MSH3: variants seen among roughly 807,000 people sequenced by gnomAD.
The protein encoded by MSH3 is DNA mismatch repair protein Msh3.
Under a neutral mutation model 123.3 loss-of-function variants are expected in MSH3, and 106 were observed. That is an observed-to-expected ratio of 0.86 (90% confidence interval 0.73 to 1.01). The LOEUF (loss-of-function observed/expected upper bound fraction) is 1.01. MSH3 is among the 50% of genes least tolerant of loss of function. The pLI, the probability that MSH3 is intolerant of heterozygous loss-of-function variation, is 0.00. For synonymous variants in MSH3, 515 were observed against 481.4 expected (o/e 1.07, Z -0.91); for missense variants, 1,459 against 1,347.6 (o/e 1.08, Z -1.29).
At chr5:80,680,930 C>A (rs1405491210) in intron 8 of MSH3, among the ~76,000 whole-genome samples, 1 of 152,018 alleles carries the variant, frequency 6.6e-6, no homozygotes, top group Non-Finnish European at 1.5e-5. Context: ...TGATGAATAT[C>A]CATATACAGA....
intron 10 of MSH3, among the ~76,000 whole-genome samples, chr5:80,738,255 G>A (rs1328024503): frequency 6.6e-6 from 1 of 152,164 alleles, no homozygotes; most frequent in African/African-American, 2.4e-5. Flanking sequence ...ACCAGGTAGT[G>A]GGTTAATTCA....
intron 4 of MSH3, 102 bp from the exon 5 acceptor site, chr5:80,672,142 T>C (rs1413415173): frequency 2.3e-6 from 2 of 870,708 alleles, no homozygotes; most frequent in Non-Finnish European, 3.7e-6. Context: ...AGTGTACAAA[T>C]CCTAAATGTA....
chr5:80,671,976 G>A (rs1749734673), intron 4 of MSH3, among the ~76,000 whole-genome samples: 1 of 149,286 alleles, frequency 6.7e-6, no homozygotes, highest in South Asian at 2.2e-4. Context: ...CTCTAAGGAT[G>A]TAGAAGACCT....
chr5:80,712,274 A>T (rs1051926725), intron 8 of MSH3, among the ~76,000 whole-genome samples: 2 of 152,134 alleles, frequency 1.3e-5, no homozygotes, highest in African/African-American at 2.4e-5. Context: ...CTCTTTTCTA[A>T]TATGCCATTT....
At chr5:80,679,810 G>A (rs532132187) in intron 8 of MSH3, among the ~76,000 whole-genome samples, 1 of 152,220 alleles carries the variant, frequency 6.6e-6, no homozygotes, top group African/African-American at 2.4e-5. Context: ...AAGGTGCCTT[G>A]TTGGAAAGAC....
At chr5:80,814,117 C>A (rs914305936) in intron 20 of MSH3, among the ~76,000 whole-genome samples, 1 of 132,952 alleles carries the variant, frequency 7.5e-6, no homozygotes, top group African/African-American at 2.9e-5. Context: ...CAAAGTGAGA[C>A]CCTGTCTCAA....
rs116326071 is a variant in MSH3 at position 80,700,816 on chromosome 5, C to A, written c.1340+21723C>A. 7.5e-3 allele frequency among the ~76,000 whole-genome samples: 1,142 copies of A among 152,138 alleles called. 16 individuals are homozygous for A. The highest frequency in any genetic ancestry group is 0.025 in the African/African-American group (1,040 of 41,492). ...TATTTGCAGTAGGTTTATTGATAGT[C>A]GAATAGGAAGAAACAGCATTTGAGA... On this transcript the variant is annotated intron_variant, in intron 8 of 23. Coordinates refer to ENST00000265081, the MANE Select transcript of MSH3 (RefSeq NM_002439.5).
At chr5:80,872,857 T>A (rs1007285395) in intron 22 of MSH3, among the ~76,000 whole-genome samples, 10 of 152,172 alleles carry the variant, frequency 6.6e-5, no homozygotes, top group African/African-American at 9.7e-5. Context: ...GACGTTCAGT[T>A]CAAATTTGCA....
intron 15 of MSH3, 146 bp from the exon 16 acceptor site, chr5:80,775,548 G>T: frequency 1.5e-5 from 9 of 592,088 alleles, no homozygotes; most frequent in Middle Eastern, 9.2e-4. Flanking sequence ...TGTCTGTATT[G>T]ACATATATAC....
chr5:80,846,594 C>T (rs1745725871), intron 20 of MSH3, among the ~76,000 whole-genome samples: 1 of 152,158 alleles, frequency 6.6e-6, no homozygotes, highest in Non-Finnish European at 1.5e-5. Flanking sequence ...TTTGTTTACA[C>T]TGTGAGCTAC....
At chr5:80,846,436 A>G (rs182738082) in intron 20 of MSH3, among the ~76,000 whole-genome samples, 101 of 152,138 alleles carry the variant, frequency 6.6e-4, no homozygotes, top group Admixed American at 1.3e-3. Context: ...TGCTGTCTTC[A>G]TAGTTGTCAG....
In MSH3 at chr5:80,693,540, T is replaced by TGCACATGTATATGTTTATATAA. The variant is rs1750388180; in HGVS notation, c.1340+14447_1340+14448insGCACATGTATATGTTTATATAA. On this transcript the variant is annotated intron_variant, in intron 8 of 23. Coordinates refer to ENST00000265081, the MANE Select transcript of MSH3 (RefSeq NM_002439.5). ...GCACATGTATATGTTTATATAAATA[T>TGCACATGTATATGTTTATATAA]ATATGCACATGTATGTGTTTATATA... Among the ~76,000 whole-genome samples, 155 of 92,110 alleles carry TGCACATGTATATGTTTATATAA rather than the reference T, an allele frequency of 1.7e-3. 5 individuals carry two copies. The highest frequency in any genetic ancestry group is 5.1e-3 in the South Asian group (16 of 3,138). The allele number at this position is 92,110 out of a possible 152,430, so 60.4% of individuals were successfully genotyped here. A position where few individuals can be genotyped will look rare whatever the true frequency, so the allele number is the denominator to read the frequency against.
chr5:80,766,167 A>G (rs975961944), intron 13 of MSH3, among the ~76,000 whole-genome samples: 7 of 152,086 alleles, frequency 4.6e-5, no homozygotes, highest in Non-Finnish European at 1.0e-4. Flanking sequence ...CAGAATCCAT[A>G]TTGGTACACA....
At chr5:80,845,881 C>T (rs1021721744) in intron 20 of MSH3, among the ~76,000 whole-genome samples, 40 of 151,940 alleles carry the variant, frequency 2.6e-4, no homozygotes, top group Admixed American at 9.2e-4. Flanking sequence ...TTGTTATTAC[C>T]GACCTTCTGA....
At position 80,654,666 on chromosome 5, in the gene MSH3, T is replaced by C. The variant is rs758530445; in HGVS notation, c.-62T>C. ...CTCGCGCCCGCAGACGCCTGGGAAC[T>C]GCGGCCGCGGGCTCGCGCTCCTCGC... On this transcript the variant is annotated 5_prime_UTR_variant, in exon 1 of 24. Coordinates refer to ENST00000265081, the MANE Select transcript of MSH3 (RefSeq NM_002439.5). 3 of 1,464,940 alleles carry C rather than the reference T, an allele frequency of 2.0e-6. No individual in the cohort carries two copies. In the Admixed American group the frequency reaches 5.9e-5, roughly 29 times the overall value. 90.7% of individuals were successfully genotyped at this position (1,464,940 alleles called of 1,614,324 possible).
intron 16 of MSH3, among the ~76,000 whole-genome samples, chr5:80,776,135 C>T (rs1272880936): frequency 6.6e-6 from 1 of 152,098 alleles, no homozygotes; most frequent in Non-Finnish European, 1.5e-5. Context: ...GGTGATTCAC[C>T]CACTTCAGCC....
intron 15 of MSH3, among the ~76,000 whole-genome samples, chr5:80,772,353 GA>G (rs1744227336): frequency 6.6e-6 from 1 of 152,160 alleles, no homozygotes; most frequent in Admixed American, 6.5e-5. Context: ...TTAAGAGAAT[GA>G]AATTGGGGGA....
rs759266003 is a variant in MSH3 at position 80,813,713 on chromosome 5, A to T, written c.2785A>T (p.Ile929Phe). Residue 929 changes from isoleucine (I) to phenylalanine (F), a missense_variant, in exon 20 of 24, where the codon ATT (isoleucine) becomes TTT (phenylalanine). Physicochemically the swap from Ile to Phe is conservative, Grantham distance 21. Transcript: ENST00000265081. ...CTATGTTCCTGCAGAAGAAGCGACA[A>T]TTGGGATTGTGGATGGCATTTTCAC... ...GSYVPAEEAT[I>F]GIVDGIFTRM... 4 of 1,614,046 alleles carry T rather than the reference A, an allele frequency of 2.5e-6. No individual in the cohort carries two copies. The highest frequency in any genetic ancestry group is 3.4e-6 in the Non-Finnish European group (4 of 1,180,018).
intron 19 of MSH3, among the ~76,000 whole-genome samples, chr5:80,797,721 A>G (rs73125440): frequency 2.0e-5 from 3 of 152,352 alleles, no homozygotes; most frequent in African/African-American, 7.2e-5. Flanking sequence ...AGAAAATGAT[A>G]GTATTTTAAT....
Sources: gnomAD v4.1 joint callset for allele counts (sites outside exome capture counted in the v4.1 genomes callset) on GRCh38, gnomAD v4.1.1 for gene constraint, MANE v1.5 for transcripts, NCBI Gene and HGNC (gene_info 2026-07-23, HGNC 2026-07-21) for gene names.